Variants in ABCB1 observed in about 807,000 individuals in gnomAD.
ABCB1 encodes ATP binding cassette subfamily B member 1.
ABCB1 carries 69 observed loss-of-function variants against 142.0 expected under a neutral mutation model. The observed-to-expected ratio is 0.49, with a 90% confidence interval of 0.40 to 0.59. ABCB1 has a LOEUF of 0.59. ABCB1 is among the 20% of genes least tolerant of loss of function. The pLI, the probability that ABCB1 is intolerant of heterozygous loss-of-function variation, is 0.00. For missense variants in ABCB1, 1,326 were observed against 1,554.7 expected, an observed-to-expected ratio of 0.85 and a Z score of 2.47; for synonymous variants, 532 against 539.2, an observed-to-expected ratio of 0.99 and a Z score of 0.18.
intron 2 of ABCB1, among the ~76,000 whole-genome samples, chr7:87,597,820 T>A (rs1819266240): frequency 1.3e-5 from 2 of 152,310 alleles, no homozygotes; most frequent in South Asian, 4.1e-4. Flanking sequence ...TAATATCTAA[T>A]GCACATTCAA....
At chr7:87,552,802 C>T (rs1817136455) in intron 9 of ABCB1, among the ~76,000 whole-genome samples, 1 of 151,534 alleles carries the variant, frequency 6.6e-6, no homozygotes, top group Non-Finnish European at 1.5e-5. Flanking sequence ...TACAAAATAT[C>T]ATCTCTCATT....
chr7:87,546,693 C>T (rs901233709), intron 14 of ABCB1, among the ~76,000 whole-genome samples: 3 of 152,174 alleles, frequency 2.0e-5, no homozygotes, highest in Non-Finnish European at 4.4e-5. Flanking sequence ...GGCTAGTAAT[C>T]AGCCCTAGGA....
chr7:87,531,537 A>G (rs779359815), intron 20 of ABCB1, 40 bp from the exon 21 acceptor site: 5 of 1,577,448 alleles, frequency 3.2e-6, no homozygotes, highest in African/African-American at 1.3e-5. Flanking sequence ...TAAAAATATT[A>G]TCTTCACAAC....
At chr7:87,516,274 A>C (rs146872169) in intron 24 of ABCB1, among the ~76,000 whole-genome samples, 3 of 152,178 alleles carry the variant, frequency 2.0e-5, no homozygotes, top group Non-Finnish European at 4.4e-5. Flanking sequence ...AAAAAATCTG[A>C]TTAATAGGTT....
chr7:87,604,209 T>C (rs1211473889), upstream of ABCB1, among the ~76,000 whole-genome samples: 1 of 152,220 alleles, frequency 6.6e-6, no homozygotes, highest in Non-Finnish European at 1.5e-5. Flanking sequence ...GTAAATCTTA[T>C]GTATCTTTCT....
At chr7:87,585,417 CT>C in intron 4 of ABCB1, 94 bp downstream of exon 4, 1 of 1,274,678 alleles carries the variant, frequency 7.8e-7, no homozygotes, top group South Asian at 1.2e-5. Context: ...ACTAAACACA[CT>C]AATGTGTATT....
At chr7:87,710,419 C>A (rs868836553) in intron 1 of ABCB1, 25 of 552,124 alleles carry the variant, frequency 4.5e-5, no homozygotes, top group South Asian at 4.3e-4. Context: ...TCAAAATTTA[C>A]CTATTTTTAT....
chr7:87,661,080 G>T (rs1222513740), intron 1 of ABCB1, among the ~76,000 whole-genome samples: 2 of 151,336 alleles, frequency 1.3e-5, no homozygotes, highest in Non-Finnish European at 3.0e-5. Flanking sequence ...TTGATATTAG[G>T]TATTTTAAAT....
chr7:87,545,825 C>T lies in ABCB1; in HGVS notation c.1887+38G>A, dbSNP rs28381916. 8,820 of 1,603,512 alleles carry T rather than the reference C, an allele frequency of 5.5e-3. 25 individuals are homozygous for T. Among genetic ancestry groups the T allele is most frequent in the Non-Finnish European group, 6.8e-3 (7,918 of 1,172,348 alleles). On this transcript the variant is annotated intron_variant, in intron 15 of 27. Coordinates refer to ENST00000622132, the MANE Select transcript of ABCB1 (RefSeq NM_001348946.2). Reference sequence around the variant, plus strand: ...CATTAAATGCAAAATCAGTTTATCACTGAGATGACTTAGGAAAATTCTGAA... The same window carrying T: ...CATTAAATGCAAAATCAGTTTATCATTGAGATGACTTAGGAAAATTCTGAA...
intron 1 of ABCB1, among the ~76,000 whole-genome samples, chr7:87,677,316 T>A (rs1826471411): frequency 3.8e-5 from 5 of 133,082 alleles, no homozygotes; most frequent in African/African-American, 2.9e-5. Flanking sequence ...CACACCACAA[T>A]GGAATACCAT....
At chr7:87,585,395 G>A in intron 4 of ABCB1, 117 bp downstream of exon 4, 2 of 976,664 alleles carry the variant, frequency 2.0e-6, no homozygotes, top group Non-Finnish European at 3.1e-6. Flanking sequence ...CAGACTGTCT[G>A]CCTCCTACAG....
At chr7:87,526,481 G>A (rs1330384282) in intron 21 of ABCB1, among the ~76,000 whole-genome samples, 1 of 151,222 alleles carries the variant, frequency 6.6e-6, no homozygotes, top group African/African-American at 2.4e-5. Context: ...AGGAGTTCGA[G>A]ACCAGCCCAG....
intron 1 of ABCB1, among the ~76,000 whole-genome samples, chr7:87,694,529 T>TA (rs982936344): frequency 2.0e-5 from 3 of 152,172 alleles, no homozygotes; most frequent in Admixed American, 2.0e-4. Context: ...AGAGAAAAAG[T>TA]AAAAAACAAA....
chr7:87,618,781 A>G (rs1820118552), intron 1 of ABCB1, among the ~76,000 whole-genome samples: 1 of 152,174 alleles, frequency 6.6e-6, no homozygotes, highest in Admixed American at 6.5e-5. Context: ...AAAAGCAGAG[A>G]GAATTCTTTA....
intron 21 of ABCB1, among the ~76,000 whole-genome samples, chr7:87,525,232 C>T (rs1027030747): frequency 3.9e-5 from 6 of 152,060 alleles, no homozygotes; most frequent in Non-Finnish European, 7.4e-5. Context: ...GAGTTTCCCT[C>T]GGAAACTGTT....
chr7:87,518,009 T>C (rs1563030812), intron 23 of ABCB1, among the ~76,000 whole-genome samples: 1 of 152,256 alleles, frequency 6.6e-6, no homozygotes, highest in Non-Finnish European at 1.5e-5. Flanking sequence ...GCTTCTTTGA[T>C]AACTCCTTTC....
intron 5 of ABCB1, among the ~76,000 whole-genome samples, chr7:87,569,676 GTC>G (rs1817953592): frequency 6.6e-6 from 1 of 151,950 alleles, no homozygotes; most frequent in Non-Finnish European, 1.5e-5. Context: ...TAATTATTCT[GTC>G]TCTCTCTTTT....
chr7:87,546,192 A>C, intron 14 of ABCB1, among the ~76,000 whole-genome samples, 168 bp from the exon 15 acceptor site: 1 of 152,278 alleles, frequency 6.6e-6, no homozygotes, highest in South Asian at 2.1e-4. Flanking sequence ...TAATAGTTAA[A>C]AATGATGTTT....
At chr7:87,698,687 T>C (rs2188531) in intron 1 of ABCB1, among the ~76,000 whole-genome samples, 23,947 of 152,178 alleles carry the variant, frequency 0.16, 3,191 homozygotes, top group African/African-American at 0.37. Flanking sequence ...GTGAGCCAAG[T>C]AAGCACTGTG....
Sources: gnomAD v4.1 joint callset for allele counts (sites outside exome capture counted in the v4.1 genomes callset) on GRCh38, gnomAD v4.1.1 for gene constraint, MANE v1.5 for transcripts, NCBI Gene and HGNC (gene_info 2026-07-23, HGNC 2026-07-21) for gene names.